Variants in CSE1L observed in about 807,000 individuals in gnomAD.
The protein encoded by CSE1L is exportin-2.
In CSE1L, 24 loss-of-function variants were observed where a neutral mutation model predicts 120.4. The ratio of observed to expected loss-of-function variants is 0.20; its 90% CI spans 0.14 to 0.28. CSE1L has a LOEUF of 0.28. Among genes scored for constraint, CSE1L ranks in the 10% least tolerant of loss-of-function variants. CSE1L has a pLI of 1.00. For synonymous variants in CSE1L, 402 were observed against 398.3 expected, an observed-to-expected ratio of 1.01 and a Z score of -0.11; for missense variants, 830 against 1,145.2, an observed-to-expected ratio of 0.72 and a Z score of 3.97.
intron 2 of CSE1L, among the ~76,000 whole-genome samples, chr20:49,061,684 A>G (rs1305881758): frequency 3.3e-5 from 5 of 151,038 alleles, no homozygotes; most frequent in African/African-American, 1.2e-4. Flanking sequence ...TTGTATTTTT[A>G]GTAGAGACGG....
rs747670372 is a variant in CSE1L, at chr20:49,084,141, G to A, written c.1598G>A (p.Arg533Gln). 48 of 1,613,842 alleles carry A rather than the reference G, an allele frequency of 3.0e-5. No homozygotes were observed. Among genetic ancestry groups the A allele is most frequent in the Admixed American group, 1.3e-4 (8 of 59,988 alleles). Residue 533 changes from arginine (R) to glutamine (Q), a missense_variant, in exon 15 of 25, where the codon CGA (arginine) becomes CAA (glutamine). Physicochemically the swap from Arg to Gln is conservative, Grantham distance 43. Coordinates refer to ENST00000262982, the MANE Select transcript of CSE1L (RefSeq NM_001316.4). ...AHALERLFTM[R>Q]GPNNATLFTA... The stretch of plus-strand genomic sequence containing the variant: ...GCTCTTGAACGGCTCTTTACTATGC[G>A]AGGGCCTAACAATGCCACTCTGTGA...
At position 49,072,365 on chromosome 20, in the gene CSE1L, A is replaced by G. The variant is rs2091938946; in HGVS notation, c.848A>G (p.Asp283Gly). The G allele has an allele frequency of 2.5e-6, 4 of 1,614,196 alleles. No individual in the cohort carries two copies. The highest frequency in any genetic ancestry group is 3.4e-6 in the Non-Finnish European group (4 of 1,180,030). Residue 283 changes from aspartate (D) to glycine (G), a missense_variant, in exon 9 of 25, where the codon GAT (aspartate) becomes GGT (glycine). Around this residue, in one of 4 missense-constraint regions of CSE1L, gnomAD observed 543 missense variants for 640.2 expected, o/e 0.85. Coordinates refer to ENST00000262982, the MANE Select transcript of CSE1L (RefSeq NM_001316.4). Reference sequence around the variant, plus strand: ...GCCGCACTCTATGCACAAAAGTACGATGAAGAATTCCAGCGATACCTGCCT... The same window carrying G: ...GCCGCACTCTATGCACAAAAGTACGGTGAAGAATTCCAGCGATACCTGCCT... ...DNAALYAQKY[D>G]EEFQRYLPRF... is the part of the protein sequence containing the mutation.
rs1225899101 is a variant in CSE1L, at chr20:49,052,613, T to TTGG, written c.-11-5817_-11-5815dup. Among the ~76,000 whole-genome samples, 583 of 151,906 alleles carry TTGG rather than the reference T, an allele frequency of 3.8e-3. 3 individuals carry two copies. Among genetic ancestry groups the TTGG allele is most frequent in the African/African-American group, 0.013 (529 of 41,418 alleles). Reference sequence around the variant, plus strand: ...CTTAGACCCTGCTGTGGTAAGGGATTTGGTGGTGGTGGTGGTGGTGGTGGT... The same window carrying TTGG: ...CTTAGACCCTGCTGTGGTAAGGGATTTGGTGGTGGTGGTGGTGGTGGTGGTGGT... On this transcript the variant is annotated intron_variant, in intron 1 of 24. Transcript: ENST00000262982.
chr20:49,046,615 C>T (rs2091712550), intron 1 of CSE1L, among the ~76,000 whole-genome samples, 192 bp downstream of exon 1: 2 of 152,230 alleles, frequency 1.3e-5, no homozygotes, highest in African/African-American at 4.8e-5. Context: ...GCGCTTGCCG[C>T]GCCTCGCGGC....
chr20:49,067,059 AT>A, intron 5 of CSE1L, 130 bp from the exon 6 acceptor site: 1 of 483,906 alleles, frequency 2.1e-6, no homozygotes, highest in South Asian at 3.6e-5. Context: ...AAAAAAAAGA[AT>A]TCCCTTTGAA....
At chr20:49,056,843 C>T (rs1379426466) in intron 1 of CSE1L, among the ~76,000 whole-genome samples, 1 of 141,688 alleles carries the variant, frequency 7.1e-6, no homozygotes, top group East Asian at 2.2e-4. Context: ...TATTACTTCA[C>T]ATGCTGTGTG....
At position 49,089,564 on chromosome 20, in the gene CSE1L, A is replaced by G; in HGVS notation, c.1999A>G (p.Met667Val). The G allele has an allele frequency of 6.2e-7, 1 of 1,614,086 alleles. No homozygotes were observed. Among genetic ancestry groups the G allele is most frequent in the Non-Finnish European group, 8.5e-7 (1 of 1,180,006 alleles). The change falls in exon 19 of 25, where the codon ATG (methionine) becomes GTG (valine). Residue 667 changes from methionine (M) to valine (V), a missense_variant. Met to Val is a conservative substitution (Grantham distance 21). Transcript: ENST00000262982. ...ATTTATTCCATACGTCTTTCAAGTGATGTCTTTGCTTCTGGAAACACACAA... is the reference window on the plus strand; with the variant it reads ...ATTTATTCCATACGTCTTTCAAGTGGTGTCTTTGCTTCTGGAAACACACAA... The part of the protein sequence containing the change: ...QEFIPYVFQV[M>V]SLLLETHKND...
Position 49,092,036 on chromosome 20 carries a change from C to G in CSE1L, c.2366-10C>G. 1 of 1,482,538 alleles carries G rather than the reference C, an allele frequency of 6.7e-7. No individual in the cohort carries two copies. The highest frequency in any genetic ancestry group is 9.3e-7 in the Non-Finnish European group (1 of 1,070,840). The allele number at this position is 1,482,538 out of a possible 1,614,324, so 91.8% of individuals were successfully genotyped here. A position where few individuals can be genotyped will look rare whatever the true frequency, so the allele number is the denominator to read the frequency against. ...TCTCTATGCTGATATTCTGCATCTT[C>G]TTTCAACAGGTTTTTTAGTCTTTAT... On this transcript the variant is annotated splice_polypyrimidine_tract_variant and intron_variant, in intron 21 of 24. Coordinates refer to ENST00000262982, the MANE Select transcript of CSE1L (RefSeq NM_001316.4).
chr20:49,075,566 A>G, intron 12 of CSE1L, 46 bp downstream of exon 12: 1 of 1,470,198 alleles, frequency 6.8e-7, no homozygotes, highest in Non-Finnish European at 9.5e-7. Flanking sequence ...GACATCAGTG[A>G]CACCCACACA....
chr20:49,050,385 A>ATTTT (rs1243770980), intron 1 of CSE1L, among the ~76,000 whole-genome samples: 14 of 79,032 alleles, frequency 1.8e-4, no homozygotes, highest in African/African-American at 4.6e-4. Context: ...AGCCCAGCTA[A>ATTTT]TTTTTTTTTT....
At chr20:49,068,045 G>A (rs762938381) in intron 6 of CSE1L, among the ~76,000 whole-genome samples, 2 of 149,804 alleles carry the variant, frequency 1.3e-5, no homozygotes, top group Non-Finnish European at 3.0e-5. Context: ...TGTGCCACTG[G>A]GCCTGGCCAG....
rs2092082073 is a variant in CSE1L at position 49,089,116 on chromosome 20, A to ACT, written c.1822-130_1822-129dup. 3 of 752,938 alleles carry ACT rather than the reference A, an allele frequency of 4.0e-6. No individual in the cohort carries two copies. In the East Asian group the frequency reaches 8.9e-5, roughly 22 times the overall value. 46.6% of individuals were successfully genotyped at this position (752,938 alleles called of 1,614,324 possible). On this transcript the variant is annotated intron_variant, in intron 17 of 24. Transcript: ENST00000262982. ...TAAAAAAAAATTCAAATGAACAAGC[A>ACT]CTAGGGTATAATTGGTGTTTTTTTC...
chr20:49,047,552 C>CT (rs1230411564), intron 1 of CSE1L, among the ~76,000 whole-genome samples: 3 of 89,802 alleles, frequency 3.3e-5, no homozygotes, highest in Admixed American at 1.1e-4. Flanking sequence ...TTTTCTTTTT[C>CT]TTTTCTCTTT....
intron 24 of CSE1L, among the ~76,000 whole-genome samples, chr20:49,095,899 G>A (rs1367411755): frequency 6.6e-6 from 1 of 151,922 alleles, no homozygotes; most frequent in Admixed American, 6.6e-5. Flanking sequence ...GTATATATAT[G>A]TATATATATT....
chr20:49,095,126 TTTTTTC>T, intron 24 of CSE1L, 163 bp downstream of exon 24: 1 of 693,970 alleles, frequency 1.4e-6, no homozygotes. Flanking sequence ...ACTGAGCCCT[TTTTTTC>T]TTGTATTATG....
At chr20:49,056,849 G>C (rs888590987) in intron 1 of CSE1L, among the ~76,000 whole-genome samples, 6 of 19,772 alleles carry the variant, frequency 3.0e-4, no homozygotes, top group South Asian at 3.8e-3. Flanking sequence ...TTCACATGCT[G>C]TGTGTGTGTG....
At position 49,072,614 on chromosome 20, in the gene CSE1L, C is replaced by T. The variant is rs1197272588; in HGVS notation, c.983C>T (p.Pro328Leu). Residue 328 changes from proline to leucine, a missense_variant, in exon 10 of 25, where the codon CCT (proline) becomes CTT (leucine). Transcript: ENST00000262982. ...TTTCTGGCTTCAGTTTGTGAGAGAC[C>T]TCATTATAAGAATCTATTTGAGGAC... ...IQFLASVCER[P>L]HYKNLFEDQN... 6.2e-7 allele frequency: 1 copy of T among 1,613,502 alleles called. No individual in the cohort carries two copies. Among genetic ancestry groups the T allele is most frequent in the East Asian group, 2.2e-5 (1 of 44,868 alleles).
Position 49,070,278 on chromosome 20 carries a change from A to G in CSE1L, c.749A>G (p.Asn250Ser), listed in dbSNP as rs2091922731. 3 of 1,413,924 alleles carry G rather than the reference A, an allele frequency of 2.1e-6. No homozygotes were observed. The highest frequency in any genetic ancestry group is 2.9e-6 in the Non-Finnish European group (3 of 1,020,912). The allele number at this position is 1,413,924 out of a possible 1,614,324, so 87.6% of individuals were successfully genotyped here. A position where few individuals can be genotyped will look rare whatever the true frequency, so the allele number is the denominator to read the frequency against. The change falls in exon 8 of 25, where the codon AAT becomes AGT. Residue 250 changes from asparagine (N) to serine (S), a missense_variant. Physicochemically the swap from Asn to Ser is conservative, Grantham distance 46. This residue lies in a region of CSE1L where 543 missense variants were observed against 640.2 expected (regional missense o/e 0.85). Transcript: ENST00000262982. The part of the protein sequence containing the change: ...NNFHTLLTLD[N>S]KLLQTDDEEE... ...TTTCATACTCTCTTAACATTGGATAATAAGCTTTTACAAACTGATGTAAGT... is the reference window on the plus strand; with the variant it reads ...TTTCATACTCTCTTAACATTGGATAGTAAGCTTTTACAAACTGATGTAAGT...
intron 16 of CSE1L, 124 bp from the exon 17 acceptor site, chr20:49,087,885 T>C: frequency 1.6e-6 from 1 of 611,610 alleles, no homozygotes; most frequent in Non-Finnish European, 2.8e-6. Context: ...GAGAGCTATC[T>C]CGGGGTTGTC....
Sources: allele counts gnomAD v4.1 joint callset (sites outside exome capture counted in the v4.1 genomes callset), GRCh38; gene constraint gnomAD v4.1.1; regional missense constraint gnomAD v4.1.1; transcripts MANE v1.5; gene names NCBI Gene and HGNC (gene_info 2026-07-23, HGNC 2026-07-21).